The following TIAM2 variants were observed in gnomAD, a reference collection of about 807,000 sequenced individuals.
TIAM2 encodes the protein rho guanine nucleotide exchange factor TIAM2.
Under a neutral mutation model 152.9 loss-of-function variants are expected in TIAM2, and 80 were observed. That is an observed-to-expected ratio of 0.52 (90% confidence interval 0.44 to 0.63). The LOEUF is 0.63. TIAM2 is among the 30% of genes least tolerant of loss of function. The probability of loss-of-function intolerance (pLI) is 0.00; values close to 1 mark genes in which losing one functional copy is unlikely to be tolerated. For synonymous variants in TIAM2, 804 were observed against 838.0 expected, an observed-to-expected ratio of 0.96 and a Z score of 0.70; for missense variants, 1,965 against 2,120.1, an observed-to-expected ratio of 0.93 and a Z score of 1.44.
chr6:155,253,265 TTTCA>T, intron 24 of TIAM2: 2 of 508,250 alleles, frequency 3.9e-6, no homozygotes, highest in South Asian at 3.5e-5. Context: ...GCCAAATGCC[TTTCA>T]TTGTTTCCTT....
At chr6:155,106,985 A>G (rs1384030945) in intron 2 of TIAM2, among the ~76,000 whole-genome samples, 1 of 152,160 alleles carries the variant, frequency 6.6e-6, no homozygotes, top group Non-Finnish European at 1.5e-5. Flanking sequence ...ATTGCACAGG[A>G]TCTGTTTTTA....
At chr6:155,131,627 T>C (rs1459836342) in intron 4 of TIAM2, among the ~76,000 whole-genome samples, 1 of 151,916 alleles carries the variant, frequency 6.6e-6, no homozygotes, top group Non-Finnish European at 1.5e-5. Context: ...TTGTACAGGC[T>C]GGAGTACAGT....
rs543824784 is a variant in TIAM2 at position 155,155,823 on chromosome 6, A to C, written c.2028+7489A>C. 5.3e-5 allele frequency among the ~76,000 whole-genome samples: 8 copies of C among 152,346 alleles called. No homozygotes were observed. In the South Asian group the frequency reaches 1.7e-3, roughly 32 times the overall value. On this transcript the variant is annotated intron_variant, in intron 7 of 26. Transcript: ENST00000682666. Reference sequence around the variant, plus strand: ...TAAGAATGTTTGGTTTAGTTAAATGAGCGTTTGTTCGGTGCATACTCTGGG... The same window carrying C: ...TAAGAATGTTTGGTTTAGTTAAATGCGCGTTTGTTCGGTGCATACTCTGGG...
chr6:155,052,882 AG>A (rs1777349765), intron 1 of TIAM2, among the ~76,000 whole-genome samples: 1 of 152,144 alleles, frequency 6.6e-6, no homozygotes, highest in Non-Finnish European at 1.5e-5. Flanking sequence ...AGTAAATCTT[AG>A]GAAAATATTA....
intron 2 of TIAM2, among the ~76,000 whole-genome samples, chr6:155,120,877 G>A (rs1380200527): frequency 6.6e-6 from 1 of 152,166 alleles, no homozygotes; most frequent in African/African-American, 2.4e-5. Flanking sequence ...CAAAATCACT[G>A]TAGTTGAGAA....
intron 2 of TIAM2, 91 bp from the exon 3 acceptor site, chr6:155,127,399 T>G (rs773452105): frequency 2.8e-6 from 1 of 354,550 alleles, no homozygotes; most frequent in Admixed American, 3.9e-5. Context: ...CAGTTGTTTC[T>G]TCATATAATT....
intron 9 of TIAM2, among the ~76,000 whole-genome samples, chr6:155,176,101 A>G (rs1313911870): frequency 6.6e-6 from 1 of 152,192 alleles, no homozygotes; most frequent in Non-Finnish European, 1.5e-5. Flanking sequence ...GACCATGGAC[A>G]AGGTGTGTCT....
At chr6:155,251,187 C>T (rs977845966) in intron 22 of TIAM2, among the ~76,000 whole-genome samples, 166 bp downstream of exon 22, 3 of 152,236 alleles carry the variant, frequency 2.0e-5, no homozygotes, top group South Asian at 2.1e-4. Context: ...ACTCCGGCAT[C>T]GCTCTGCATC....
chr6:155,067,196 A>G (rs570293707), intron 1 of TIAM2, among the ~76,000 whole-genome samples: 1 of 152,256 alleles, frequency 6.6e-6, no homozygotes, highest in East Asian at 1.9e-4. Context: ...GGGGGAGCTC[A>G]TTCTGGGATG....
At chr6:155,100,246 G>A (rs1583189539) in intron 2 of TIAM2, among the ~76,000 whole-genome samples, 2 of 152,182 alleles carry the variant, frequency 1.3e-5, no homozygotes, top group African/African-American at 2.4e-5. Flanking sequence ...AGGTGCTGGC[G>A]CTTCTCCCAC....
intron 1 of TIAM2, among the ~76,000 whole-genome samples, chr6:155,074,719 C>CTTGTGT (rs1306708400): frequency 6.6e-6 from 1 of 151,876 alleles, no homozygotes; most frequent in East Asian, 1.9e-4. Flanking sequence ...GTGTTTATTA[C>CTTGTGT]GTTCTTTCTA....
At position 155,257,622 on chromosome 6, in the gene TIAM2, A is replaced by AT. The variant is rs1562381586; in HGVS notation, c.*501_*502insT. 2.9e-5 allele frequency: 16 copies of AT among 556,706 alleles called. No homozygotes were observed. The highest frequency in any genetic ancestry group is 1.3e-4 in the African/African-American group (7 of 53,132). The allele number at this position is 556,706 out of a possible 1,614,324, so 34.5% of individuals were successfully genotyped here. A position where few individuals can be genotyped will look rare whatever the true frequency, so the allele number is the denominator to read the frequency against. On this transcript the variant is annotated 3_prime_UTR_variant, in exon 27 of 27. Transcript: ENST00000682666. ...TGCTGTTTATACTAAACATGTCATAACTATCTATACAGTATATATTAAAAG... is the reference window on the plus strand; with the variant it reads ...TGCTGTTTATACTAAACATGTCATAATCTATCTATACAGTATATATTAAAAG...
At chr6:155,100,860 G>A (rs774026821) in intron 2 of TIAM2, among the ~76,000 whole-genome samples, 1 of 152,148 alleles carries the variant, frequency 6.6e-6, no homozygotes, top group Admixed American at 6.6e-5. Flanking sequence ...ACGAAACTGA[G>A]GCGCAGAGAA....
intron 1 of TIAM2, among the ~76,000 whole-genome samples, chr6:155,047,727 G>T (rs1259526984): frequency 1.4e-5 from 1 of 70,006 alleles, no homozygotes; most frequent in African/African-American, 4.4e-5. Flanking sequence ...GAGAGAGAGC[G>T]AGAGAGAGAG....
chr6:155,143,684 A>C (rs942805007), intron 5 of TIAM2, among the ~76,000 whole-genome samples: 4 of 152,160 alleles, frequency 2.6e-5, no homozygotes, highest in Non-Finnish European at 5.9e-5. Flanking sequence ...GGCCTCTTAC[A>C]TTGAGATTCC....
rs1485755 is a variant in TIAM2, at chr6:155,085,619, G to A, written c.-208-4670G>A. On this transcript the variant is annotated intron_variant, in intron 1 of 26. Coordinates refer to ENST00000682666, the MANE Select transcript of TIAM2 (RefSeq NM_012454.4). The stretch of plus-strand genomic sequence containing the variant: ...AAGGTCTGGATTATATTCAGCTTTC[G>A]AGTAGGACATGGGGCAGAATCCCTA... 2.8e-3 allele frequency among the ~76,000 whole-genome samples: 425 copies of A among 151,862 alleles called. 3 individuals carry two copies. The highest frequency in any genetic ancestry group is 0.015 in the Admixed American group (236 of 15,262).
chr6:155,045,872 T>G (rs9397221), intron 1 of TIAM2, among the ~76,000 whole-genome samples: 27 of 114,588 alleles, frequency 2.4e-4, no homozygotes, highest in East Asian at 1.9e-3. Context: ...GGTTTTTGTT[T>G]GTTTGTTTTA....
intron 1 of TIAM2, among the ~76,000 whole-genome samples, chr6:154,998,129 C>T (rs928683078): frequency 1.8e-4 from 27 of 152,126 alleles, no homozygotes; most frequent in African/African-American, 5.5e-4. Context: ...CATGGGTGGG[C>T]GTCAGGGATT....
intron 9 of TIAM2, among the ~76,000 whole-genome samples, chr6:155,170,511 G>A (rs1046661748): frequency 6.6e-6 from 1 of 152,100 alleles, no homozygotes; most frequent in Non-Finnish European, 1.5e-5. Flanking sequence ...TGAGGTGGGA[G>A]GATTGCTTGA....
Sources: allele counts gnomAD v4.1 joint callset (sites outside exome capture counted in the v4.1 genomes callset), GRCh38; gene constraint gnomAD v4.1.1; transcripts MANE v1.5; gene names NCBI Gene and HGNC (gene_info 2026-07-23, HGNC 2026-07-21).